Variants in NRXN1 observed in about 807,000 individuals in gnomAD.
NRXN1 encodes neurexin-1.
Under a neutral mutation model 150.9 loss-of-function variants are expected in NRXN1, and 39 were observed. The ratio of observed to expected loss-of-function variants is 0.26; its 90% CI spans 0.20 to 0.34. The LOEUF (loss-of-function observed/expected upper bound fraction) is 0.34, where lower values mean the gene tolerates loss of function less well. Ranked by LOEUF, NRXN1 falls within the 10% of genes least tolerant of loss-of-function variation. NRXN1 has a pLI of 1.00. For synonymous variants in NRXN1, 924 were observed against 757.0 expected, an observed-to-expected ratio of 1.22 and a Z score of -3.62; for missense variants, 1,815 against 1,949.9, an observed-to-expected ratio of 0.93 and a Z score of 1.30.
At chr2:50,372,576 C>G (rs1349773959) in intron 17 of NRXN1, among the ~76,000 whole-genome samples, 3 of 151,912 alleles carry the variant, frequency 2.0e-5, no homozygotes, top group East Asian at 3.9e-4. Flanking sequence ...AACAAAAAAC[C>G]TCAGATTTAT....
At chr2:50,386,373 G>T (rs2081327428) in intron 17 of NRXN1, among the ~76,000 whole-genome samples, 1 of 151,842 alleles carries the variant, frequency 6.6e-6, no homozygotes, top group Non-Finnish European at 1.5e-5. Flanking sequence ...AATTAAGAGT[G>T]ATCTCAACAC....
chr2:50,330,855 G>A (rs2076793995), intron 17 of NRXN1, among the ~76,000 whole-genome samples: 1 of 152,082 alleles, frequency 6.6e-6, no homozygotes, highest in South Asian at 2.1e-4. Context: ...GGAAAAGCAG[G>A]ACAGTGCTAG....
At chr2:50,301,749 C>T (rs886069058) in intron 17 of NRXN1, among the ~76,000 whole-genome samples, 1 of 152,156 alleles carries the variant, frequency 6.6e-6, no homozygotes, top group African/African-American at 2.4e-5. Context: ...AAAAGGAGCA[C>T]AGATGAACAG....
At chr2:50,882,656 A>C (rs2103711015) in intron 5 of NRXN1, among the ~76,000 whole-genome samples, 1 of 151,982 alleles carries the variant, frequency 6.6e-6, no homozygotes, top group Non-Finnish European at 1.5e-5. Context: ...TTTTATTGTC[A>C]CCATCAGTAG....
chr2:50,597,344 G>A (rs1451521022), intron 8 of NRXN1, among the ~76,000 whole-genome samples: 1 of 152,128 alleles, frequency 6.6e-6, no homozygotes, highest in Non-Finnish European at 1.5e-5. Context: ...ACAGCAGCCT[G>A]AGGATCTACT....
chr2:50,469,775 G>T (rs1267059976), intron 16 of NRXN1, among the ~76,000 whole-genome samples: 1 of 150,502 alleles, frequency 6.6e-6, no homozygotes, highest in Non-Finnish European at 1.5e-5. Context: ...GGGTGTCAGG[G>T]TGTGAAAATT....
chr2:50,757,778 G>A (rs1218437652), intron 5 of NRXN1, among the ~76,000 whole-genome samples: 3 of 151,542 alleles, frequency 2.0e-5, no homozygotes, highest in Admixed American at 6.6e-5. Context: ...AAGAGAGGAG[G>A]TAACATTTGT....
At chr2:50,481,031 C>T (rs1385784837) in intron 15 of NRXN1, among the ~76,000 whole-genome samples, 3 of 152,128 alleles carry the variant, frequency 2.0e-5, no homozygotes, top group African/African-American at 7.2e-5. Flanking sequence ...TGTTGAGCTA[C>T]AAGAGGAGTA....
intron 21 of NRXN1, among the ~76,000 whole-genome samples, chr2:49,944,670 T>C (rs748380826): frequency 6.6e-6 from 1 of 152,178 alleles, no homozygotes; most frequent in African/African-American, 2.4e-5. Context: ...AGCATAGATA[T>C]TGCATGGAAT....
chr2:50,594,302 G>A (rs1674796294), intron 8 of NRXN1, among the ~76,000 whole-genome samples: 1 of 152,082 alleles, frequency 6.6e-6, no homozygotes. Context: ...TGGTTTTGTG[G>A]TTCATATTTG....
At chr2:50,219,349 C>A (rs2063631988) in intron 18 of NRXN1, among the ~76,000 whole-genome samples, 1 of 123,942 alleles carries the variant, frequency 8.1e-6, no homozygotes, top group African/African-American at 3.2e-5. Flanking sequence ...AAACTGTGTT[C>A]TGTTTTGGGG....
intron 17 of NRXN1, among the ~76,000 whole-genome samples, chr2:50,452,783 A>G (rs1438693784): frequency 1.3e-5 from 2 of 152,184 alleles, no homozygotes; most frequent in Admixed American, 6.5e-5. Flanking sequence ...CTCTTTACAG[A>G]CAAGGATGAA....
At chr2:50,666,181 TC>T (rs902943071) in intron 5 of NRXN1, among the ~76,000 whole-genome samples, 1 of 152,004 alleles carries the variant, frequency 6.6e-6, no homozygotes, top group African/African-American at 2.4e-5. Flanking sequence ...CTGGTTTCTG[TC>T]ACTCAACATA....
intron 18 of NRXN1, among the ~76,000 whole-genome samples, chr2:50,119,213 A>G (rs1188885037): frequency 6.6e-6 from 1 of 152,164 alleles, no homozygotes; most frequent in Non-Finnish European, 1.5e-5. Context: ...TCTTACCATT[A>G]TGTGTCTTTA....
chr2:50,301,655 T>C (rs925223861), intron 17 of NRXN1, among the ~76,000 whole-genome samples: 3 of 152,158 alleles, frequency 2.0e-5, no homozygotes, highest in African/African-American at 7.2e-5. Context: ...GTAGCCAGTT[T>C]CTAGCATCTC....
chr2:49,965,998 GTTC>G lies in NRXN1; in HGVS notation c.4129-22210_4129-22208del, dbSNP rs552203891. The stretch of plus-strand genomic sequence containing the variant: ...AGCTGGTGTGATTTTACACCACAGT[GTTC>G]TTCTTACGAATACCAGAGAGAAAAT... On this transcript the variant is annotated intron_variant, in intron 21 of 22. Transcript: ENST00000401669. Among the ~76,000 whole-genome samples the G allele has an allele frequency of 6.5e-3, 993 of 152,308 alleles. 14 individuals are homozygous for G. The highest frequency in any genetic ancestry group is 0.023 in the African/African-American group (940 of 41,560).
intron 18 of NRXN1, among the ~76,000 whole-genome samples, chr2:50,116,945 T>C (rs1192519491): frequency 6.6e-6 from 1 of 152,126 alleles, no homozygotes; most frequent in Non-Finnish European, 1.5e-5. Context: ...CTGGTATTAA[T>C]GGAAAGAGGT....
At chr2:50,403,627 A>C (rs1456663879) in intron 17 of NRXN1, among the ~76,000 whole-genome samples, 1 of 152,122 alleles carries the variant, frequency 6.6e-6, no homozygotes, top group East Asian at 1.9e-4. Flanking sequence ...TGAGCCTCAA[A>C]AGAGACGATA....
chr2:50,281,210 G>A (rs975831734), intron 17 of NRXN1, among the ~76,000 whole-genome samples: 7 of 151,456 alleles, frequency 4.6e-5, no homozygotes, highest in South Asian at 2.1e-4. Flanking sequence ...CCAGCTACTC[G>A]GGAGGCTGAG....
Sources: allele counts gnomAD v4.1 joint callset (sites outside exome capture counted in the v4.1 genomes callset), GRCh38; gene constraint gnomAD v4.1.1; transcripts MANE v1.5; gene names NCBI Gene and HGNC (gene_info 2026-07-23, HGNC 2026-07-21).